The following C8orf89 variants were observed in gnomAD, a reference collection of about 807,000 sequenced individuals.
The protein encoded by C8orf89 is chromosome 8 open reading frame 89.
A neutral mutation model predicts 15.8 loss-of-function variants in C8orf89; 14 were observed. That is an observed-to-expected ratio of 0.89 (90% confidence interval 0.59 to 1.39). The LOEUF (loss-of-function observed/expected upper bound fraction) is 1.39, where lower values mean the gene tolerates loss of function less well. Ranked by LOEUF, C8orf89 falls within the 40% of genes most tolerant of loss-of-function variation. C8orf89 has a pLI of 0.00. For missense variants in C8orf89, 181 were observed against 184.5 expected, an observed-to-expected ratio of 0.98 and a Z score of 0.11; for synonymous variants, 55 against 62.2, an observed-to-expected ratio of 0.88 and a Z score of 0.54.
At chr8:73,272,880 T>C in the C8orf89 span, among the ~76,000 whole-genome samples, 2 of 152,136 alleles carry the variant, frequency 1.3e-5, no homozygotes, top group African/African-American at 4.8e-5. Flanking sequence ...CTATTTTACA[T>C]TGAGAAACCT....
At chr8:73,285,389 C>G in the C8orf89 span, among the ~76,000 whole-genome samples, 1 of 152,210 alleles carries the variant, frequency 6.6e-6, no homozygotes, top group Non-Finnish European at 1.5e-5. Flanking sequence ...CCTCAGGTCC[C>G]CATGCTCAGA....
At chr8:73,253,333 C>T (rs118135433) in intron 2 of C8orf89, among the ~76,000 whole-genome samples, 91 of 152,314 alleles carry the variant, frequency 6.0e-4, no homozygotes, top group Middle Eastern at 3.4e-3. Flanking sequence ...TTTTCGGTTA[C>T]TGTAGCCTTG....
chr8:73,250,303 GTC>G lies in C8orf89; in HGVS notation c.300_301del (p.Glu100AspfsTer18), dbSNP rs1485614028. 11 of 1,531,432 alleles carry G rather than the reference GTC, an allele frequency of 7.2e-6. No individual in the cohort carries two copies. In the Admixed American group the frequency reaches 1.6e-4, roughly 22 times the overall value. The allele number at this position is 1,531,432 out of a possible 1,614,324, so 94.9% of individuals were successfully genotyped here. On this transcript the variant is annotated frameshift_variant, in exon 3 of 4. Coordinates refer to ENST00000624510, the MANE Select transcript of C8orf89 (RefSeq NM_001243237.3). LOFTEE classifies it high-confidence loss of function. Reference sequence around the variant, plus strand: ...CTCCCAAAGTGGTGCCACACTGCATGTCTCCTTAGTCTTCTTTAGCCTGAATA... The same window carrying G: ...CTCCCAAAGTGGTGCCACACTGCATGTCCTTAGTCTTCTTTAGCCTGAATA...
upstream of C8orf89, among the ~76,000 whole-genome samples, chr8:73,259,738 T>TAA: frequency 6.9e-6 from 1 of 145,306 alleles, no homozygotes; most frequent in Non-Finnish European, 1.5e-5. Context: ...CATTTGTGCC[T>TAA]AAAAAAAAAA....
At chr8:73,285,665 C>A in the C8orf89 span, among the ~76,000 whole-genome samples, 1 of 152,234 alleles carries the variant, frequency 6.6e-6, no homozygotes, top group Admixed American at 6.5e-5. Flanking sequence ...CTGGCCGTTG[C>A]GGCCCAGGTA....
intron 2 of C8orf89, among the ~76,000 whole-genome samples, chr8:73,256,044 G>A (rs1050585556): frequency 6.6e-6 from 1 of 151,350 alleles, no homozygotes; most frequent in Non-Finnish European, 1.5e-5. Flanking sequence ...CACCAGCATG[G>A]CACATGTATA....
At chr8:73,283,976 A>G in the C8orf89 span, among the ~76,000 whole-genome samples, 1 of 150,350 alleles carries the variant, frequency 6.7e-6, no homozygotes, top group South Asian at 2.2e-4. Flanking sequence ...CTGGAGGCGG[A>G]GGTTGCAGTA....
the C8orf89 span, among the ~76,000 whole-genome samples, chr8:73,282,850 T>C: frequency 1.1e-4 from 17 of 152,326 alleles, no homozygotes. Flanking sequence ...CAAAGCTGAA[T>C]GAGGCTGGGA....
chr8:73,280,127 T>C, the C8orf89 span, among the ~76,000 whole-genome samples: 1 of 152,242 alleles, frequency 6.6e-6, no homozygotes, highest in African/African-American at 2.4e-5. Flanking sequence ...AGTACTTCTT[T>C]GTGACTCCCA....
At chr8:73,267,012 T>C in the C8orf89 span, among the ~76,000 whole-genome samples, 1 of 152,166 alleles carries the variant, frequency 6.6e-6, no homozygotes. Flanking sequence ...TGACCAAAGA[T>C]AGGACTATAA....
At chr8:73,250,162 C>T (rs1813215826) in intron 3 of C8orf89, 106 bp downstream of exon 3, 1 of 669,658 alleles carries the variant, frequency 1.5e-6, no homozygotes. Flanking sequence ...GAAGTAGTAA[C>T]AAAACAAAGA....
chr8:73,277,403 C>A, the C8orf89 span: 2 of 1,181,362 alleles, frequency 1.7e-6, no homozygotes, highest in Non-Finnish European at 1.2e-6. Context: ...ATCATCTTAG[C>A]AGCCTCCAGA....
At chr8:73,248,529 G>A (rs1332460029) in intron 3 of C8orf89, among the ~76,000 whole-genome samples, 1 of 151,954 alleles carries the variant, frequency 6.6e-6, no homozygotes, top group Admixed American at 6.6e-5. Context: ...ATTGCTTTGG[G>A]TAGTATAGTT....
At chr8:73,285,486 TGGGA>T in the C8orf89 span, among the ~76,000 whole-genome samples, 1 of 152,154 alleles carries the variant, frequency 6.6e-6, no homozygotes, top group African/African-American at 2.4e-5. Context: ...GTCCCCTTCG[TGGGA>T]GGGAGTGGGA....
the C8orf89 span, among the ~76,000 whole-genome samples, chr8:73,265,388 A>G: frequency 6.6e-6 from 1 of 152,234 alleles, no homozygotes; most frequent in African/African-American, 2.4e-5. Flanking sequence ...AAGGCTTTGA[A>G]TAGGAAGAAA....
At chr8:73,252,926 G>A (rs891331591) in intron 2 of C8orf89, among the ~76,000 whole-genome samples, 2 of 152,024 alleles carry the variant, frequency 1.3e-5, no homozygotes, top group Non-Finnish European at 2.9e-5. Context: ...TGGATCACGA[G>A]GTCAGAAGAT....
chr8:73,267,982 G>A, the C8orf89 span, among the ~76,000 whole-genome samples: 1 of 152,140 alleles, frequency 6.6e-6, no homozygotes, highest in African/African-American at 2.4e-5. Flanking sequence ...CAACTCTGAT[G>A]AAGCCTTTAG....
Position 73,255,140 on chromosome 8 carries a change from C to T in C8orf89, c.281+1833G>A, listed in dbSNP as rs1005420165. ...AATGGGATCTAATTAAACTAAAGAG[C>T]TTCTGCACAGCAAAAGAAACTACCA... On this transcript the variant is annotated intron_variant, in intron 2 of 3. Coordinates refer to ENST00000624510, the MANE Select transcript of C8orf89 (RefSeq NM_001243237.3). Among the ~76,000 whole-genome samples, 48 of 151,746 alleles carry T rather than the reference C, an allele frequency of 3.2e-4. No individual in the cohort carries two copies. In the South Asian group the frequency reaches 8.9e-3, roughly 28 times the overall value.
chr8:73,244,063 CAT>C (rs1434118643), intron 3 of C8orf89, among the ~76,000 whole-genome samples: 1 of 152,156 alleles, frequency 6.6e-6, no homozygotes, highest in African/African-American at 2.4e-5. Flanking sequence ...ATAATTAACT[CAT>C]TTCATATTTT....
Sources: allele counts gnomAD v4.1 joint callset (sites outside exome capture counted in the v4.1 genomes callset), GRCh38; gene constraint gnomAD v4.1.1; transcripts MANE v1.5; gene names NCBI Gene and HGNC (gene_info 2026-07-23, HGNC 2026-07-21).